NUDT13: variants seen among roughly 807,000 people sequenced by gnomAD.
NUDT13 encodes the protein nudix hydrolase 13.
Under a neutral mutation model 41.7 loss-of-function variants are expected in NUDT13, and 40 were observed. That is an observed-to-expected ratio of 0.96 (90% CI 0.75 to 1.25). The LOEUF is 1.25. Ranked by LOEUF, NUDT13 falls within the 50% of genes most tolerant of loss-of-function variation. The probability of loss-of-function intolerance (pLI) is 0.00; values close to 1 mark genes in which losing one functional copy is unlikely to be tolerated. For synonymous variants in NUDT13, 145 were observed against 155.5 expected (o/e 0.93, Z 0.50); for missense variants, 390 against 416.1 (o/e 0.94, Z 0.55).
chr10:73,130,979 G>T lies in NUDT13; in HGVS notation c.*76G>T. 1 of 1,315,980 alleles carries T rather than the reference G, an allele frequency of 7.6e-7. No homozygotes were observed. Among genetic ancestry groups the T allele is most frequent in the South Asian group, 1.2e-5 (1 of 83,230 alleles). 81.5% of individuals were successfully genotyped at this position (1,315,980 alleles called of 1,614,324 possible). ...AGAGATCAGTTGACAAAGGAGAAGT[G>T]ACAAAAGATAAGCTGCAGAAGGACC... On this transcript the variant is annotated 3_prime_UTR_variant, in exon 9 of 9. Coordinates refer to ENST00000357321, the MANE Select transcript of NUDT13 (RefSeq NM_015901.6).
At chr10:73,112,909 C>T (rs563964599) in intron 1 of NUDT13, among the ~76,000 whole-genome samples, 25 of 150,950 alleles carry the variant, frequency 1.7e-4, no homozygotes, top group Admixed American at 9.9e-4. Context: ...TTTTTTAAGA[C>T]GACGTTTTGC....
intron 1 of NUDT13, among the ~76,000 whole-genome samples, chr10:73,113,134 G>A (rs1442606252): frequency 1.3e-4 from 20 of 152,284 alleles, no homozygotes; most frequent in African/African-American, 4.8e-4. Context: ...TGATCCGCCC[G>A]CCTCGGCCTC....
At position 73,131,027 on chromosome 10, in the gene NUDT13, G is replaced by GGC; in HGVS notation, c.*124_*125insGC. Reference sequence around the variant, plus strand: ...ACCTCAGAAGGGCAGAGCAAAGGGTGAGCCTACAGTAAGACACTTCTATCA... The same window carrying GGC: ...ACCTCAGAAGGGCAGAGCAAAGGGTGGCAGCCTACAGTAAGACACTTCTATCA... On this transcript the variant is annotated 3_prime_UTR_variant, in exon 9 of 9. Transcript: ENST00000357321. 1.4e-6 allele frequency: 1 copy of GGC among 730,560 alleles called. No homozygotes were observed. The allele number at this position is 730,560 out of a possible 1,614,324, so 45.3% of individuals were successfully genotyped here. A position where few individuals can be genotyped will look rare whatever the true frequency, so the allele number is the denominator to read the frequency against.
At chr10:73,110,949 C>T (rs988114301) in intron 1 of NUDT13, among the ~76,000 whole-genome samples, 1 of 152,070 alleles carries the variant, frequency 6.6e-6, no homozygotes, top group African/African-American at 2.4e-5. Flanking sequence ...TCCATATTTC[C>T]CTGTCCCATG....
intron 2 of NUDT13, 137 bp downstream of exon 2, chr10:73,114,585 ATG>A (rs576946809): frequency 7.0e-4 from 183 of 261,630 alleles, no homozygotes; most frequent in Middle Eastern, 1.3e-3. Context: ...GTGTGTGTAT[ATG>A]TGTGTGTGTG....
intron 8 of NUDT13, among the ~76,000 whole-genome samples, chr10:73,128,190 G>A (rs1174002842): frequency 1.3e-5 from 2 of 152,030 alleles, no homozygotes; most frequent in African/African-American, 2.4e-5. Flanking sequence ...TGTGAATACT[G>A]CAGTGAACAT....
At position 73,130,825 on chromosome 10, in the gene NUDT13, G is replaced by GC. The variant is rs11381190; in HGVS notation, c.986dup (p.Lys330Ter). 0.012 allele frequency: 19,342 copies of GC among 1,613,782 alleles called. 1,096 individuals carry two copies. The African/African-American group carries it at 0.16, about 14-fold the overall frequency. On this transcript the variant is annotated frameshift_variant, in exon 9 of 9. Transcript: ENST00000357321. LOFTEE classifies it high-confidence loss of function. ...AGAATGGGACTTTCCCATTCTGGCTGCCCCCTAAGTTAGCCATCTCCCACC... is the reference window on the plus strand; with the variant it reads ...AGAATGGGACTTTCCCATTCTGGCTGCCCCCCTAAGTTAGCCATCTCCCACC...
intron 1 of NUDT13, among the ~76,000 whole-genome samples, chr10:73,113,462 GAAT>G (rs1011900778): frequency 2.6e-5 from 4 of 152,076 alleles, no homozygotes; most frequent in African/African-American, 9.7e-5. Context: ...ATTAAAGTAG[GAAT>G]AATACTTTTA....
At chr10:73,125,627 T>C in intron 7 of NUDT13, 118 bp downstream of exon 7, 1 of 414,346 alleles carries the variant, frequency 2.4e-6, no homozygotes, top group Non-Finnish European at 4.2e-6. Context: ...TTCTATCATG[T>C]CAAGAAAACT....
intron 8 of NUDT13, among the ~76,000 whole-genome samples, chr10:73,129,678 A>G (rs1343013675): frequency 6.6e-6 from 1 of 150,730 alleles, no homozygotes; most frequent in Non-Finnish European, 1.5e-5. Context: ...TACCCTTTAA[A>G]AAAAAAAAAA....
At position 73,131,670 on chromosome 10, in the gene NUDT13, G is replaced by C. The variant is rs1175424991; in HGVS notation, c.*767G>C. 6.6e-6 allele frequency: 1 copy of C among 152,172 alleles called. No homozygotes were observed. Among genetic ancestry groups the C allele is most frequent in the East Asian group, 1.9e-4 (1 of 5,194 alleles). 9.4% of individuals were successfully genotyped at this position (152,172 alleles called of 1,614,324 possible). A position where few individuals can be genotyped will look rare whatever the true frequency, so the allele number is the denominator to read the frequency against. On this transcript the variant is annotated 3_prime_UTR_variant, in exon 9 of 9. Transcript: ENST00000357321. ...GGCATTTGCACATCCACAACGTGTT[G>C]ATTAACAAAGGGATTGGTGGAGATA...
intron 8 of NUDT13, chr10:73,130,487 TACACACAC>T (rs754288651): frequency 3.6e-6 from 1 of 274,584 alleles, no homozygotes; most frequent in Non-Finnish European, 7.2e-6. Flanking sequence ...TATATATATA[TACACACAC>T]ACACACACAC....
intron 5 of NUDT13, 162 bp downstream of exon 5, chr10:73,124,482 T>C (rs1842724736): frequency 1.8e-6 from 1 of 568,340 alleles, no homozygotes; most frequent in Middle Eastern, 4.2e-4. Flanking sequence ...GGAGATTGCT[T>C]ATTCTTCCTT....
chr10:73,118,158 C>A (rs1367209010), intron 2 of NUDT13, among the ~76,000 whole-genome samples: 1 of 152,186 alleles, frequency 6.6e-6, no homozygotes, highest in Non-Finnish European at 1.5e-5. Flanking sequence ...CACGTCTCTC[C>A]TTTGACATGC....
chr10:73,125,648 A>ATT, intron 7 of NUDT13, 139 bp downstream of exon 7: 6 of 231,912 alleles, frequency 2.6e-5, no homozygotes, highest in African/African-American at 6.9e-5. Context: ...GCTTTCTGGC[A>ATT]TTTTATATAT....
At chr10:73,120,854 C>A (rs970241009) in intron 3 of NUDT13, among the ~76,000 whole-genome samples, 2 of 151,260 alleles carry the variant, frequency 1.3e-5, no homozygotes, top group African/African-American at 2.4e-5. Context: ...AGGAGAATGG[C>A]GTCAACCCGG....
At chr10:73,124,960 T>C (rs1842734554) in intron 5 of NUDT13, 158 bp from the exon 6 acceptor site, 3 of 705,396 alleles carry the variant, frequency 4.3e-6, no homozygotes, top group Non-Finnish European at 6.6e-6. Context: ...TCAGTTAGTT[T>C]ACTTGTCCTG....
chr10:73,123,846 A>G (rs1273556069), intron 4 of NUDT13, among the ~76,000 whole-genome samples: 1 of 151,836 alleles, frequency 6.6e-6, no homozygotes, highest in Admixed American at 6.6e-5. Context: ...TTTAATACAG[A>G]CAGGGTTTCA....
rs558465728 is a variant in NUDT13, at chr10:73,122,185, G to C, written c.234G>C (p.Arg78Ser). 2 of 1,612,656 alleles carry C rather than the reference G, an allele frequency of 1.2e-6. No individual in the cohort carries two copies. Among genetic ancestry groups the C allele is most frequent in the Non-Finnish European group, 1.7e-6 (2 of 1,179,624 alleles). ...APRHSLLELERLLGKFGQDAQ... is the reference protein window; with the variant it reads ...APRHSLLELESLLGKFGQDAQ... The stretch of plus-strand genomic sequence containing the variant: ...CTTTCTGTTTCTTAGAGTTGGAAAG[G>C]CTCCTGGGTAAATTTGGACAGGATG... Residue 78 changes from arginine (R) to serine (S), a missense_variant, in exon 4 of 9, where the codon AGG becomes AGC. Coordinates refer to ENST00000357321, the MANE Select transcript of NUDT13 (RefSeq NM_015901.6).
Sources: gnomAD v4.1 joint callset for allele counts (sites outside exome capture counted in the v4.1 genomes callset) on GRCh38, gnomAD v4.1.1 for gene constraint, MANE v1.5 for transcripts, NCBI Gene and HGNC (gene_info 2026-07-23, HGNC 2026-07-21) for gene names.